Variants in BTRC observed in about 807,000 individuals in gnomAD.
BTRC encodes F-box/WD repeat-containing protein 1A.
A neutral mutation model predicts 85.5 loss-of-function variants in BTRC; 42 were observed. That is an observed-to-expected ratio of 0.49 (90% CI 0.38 to 0.64). BTRC has a LOEUF of 0.64. Among genes scored for constraint, BTRC ranks in the 30% least tolerant of loss-of-function variants. BTRC has a pLI of 0.00. For synonymous variants in BTRC, 255 were observed against 263.3 expected (o/e 0.97, Z 0.30); for missense variants, 594 against 743.5 (o/e 0.80, Z 2.34).
rs184498899 is a variant in BTRC at position 101,552,178 on chromosome 10, C to T, written c.*32-977C>T. ...ATTTTTATTTTATTTTATTTTATTTCATTTTATTTTATTTTATTTTATTTC... is the reference window on the plus strand; with the variant it reads ...ATTTTTATTTTATTTTATTTTATTTTATTTTATTTTATTTTATTTTATTTC... On this transcript the variant is annotated intron_variant, in intron 14 of 14. Transcript: ENST00000370187. 2.3e-3 allele frequency among the ~76,000 whole-genome samples: 350 copies of T among 150,522 alleles called. 2 individuals are homozygous for T. Among genetic ancestry groups the T allele is most frequent in the Middle Eastern group, 3.4e-3 (1 of 292 alleles).
At chr10:101,458,534 T>C (rs1003710907) in intron 2 of BTRC, among the ~76,000 whole-genome samples, 12 of 152,190 alleles carry the variant, frequency 7.9e-5, no homozygotes, top group African/African-American at 2.7e-4. Context: ...GAAATTAATA[T>C]TGATACAGTG....
chr10:101,361,813 A>T (rs1431116151), intron 1 of BTRC, among the ~76,000 whole-genome samples: 2 of 152,214 alleles, frequency 1.3e-5, no homozygotes, highest in Non-Finnish European at 2.9e-5. Flanking sequence ...AACTAAGAAT[A>T]TGATTGTTCT....
intron 6 of BTRC, among the ~76,000 whole-genome samples, chr10:101,529,657 TA>T (rs1418138521): frequency 6.6e-6 from 1 of 152,222 alleles, no homozygotes; most frequent in Non-Finnish European, 1.5e-5. Flanking sequence ...TTATAAGTAT[TA>T]TTTTCACTTC....
intron 1 of BTRC, among the ~76,000 whole-genome samples, chr10:101,387,830 C>G (rs1043336447): frequency 2.6e-5 from 4 of 152,012 alleles, no homozygotes; most frequent in Non-Finnish European, 5.9e-5. Context: ...GCTGGGATTA[C>G]AGGTGTGTGC....
At chr10:101,493,206 G>A (rs1369167020) in intron 4 of BTRC, among the ~76,000 whole-genome samples, 1 of 152,106 alleles carries the variant, frequency 6.6e-6, no homozygotes, top group Non-Finnish European at 1.5e-5. Flanking sequence ...AAATGTATTT[G>A]AATGTGAATG....
chr10:101,534,862 C>T lies in BTRC; in HGVS notation c.1299C>T (p.Asp433=), dbSNP rs753159511. The T allele has an allele frequency of 5.6e-6, 9 of 1,613,974 alleles. No homozygotes were observed. In the Admixed American group the frequency reaches 1.5e-4, roughly 27 times the overall value. ...ACCGAGCTGCTGTCAATGTTGTAGA[C>T]TTTGATGACAAGTACATTGTTTCTG... ...VGHRAAVNVV[D]FDDKYIVSAS... is the part of the protein sequence containing the mutation. The change falls in exon 10 of 15, where the codon GAC becomes GAT. Residue 433 remains aspartate, a synonymous_variant. Transcript: ENST00000370187.
chr10:101,483,027 T>G (rs899297589), intron 4 of BTRC, among the ~76,000 whole-genome samples: 4 of 152,234 alleles, frequency 2.6e-5, no homozygotes, highest in Non-Finnish European at 5.9e-5. Flanking sequence ...AACCTTATTA[T>G]TTATTGAATA....
intron 2 of BTRC, among the ~76,000 whole-genome samples, chr10:101,454,685 G>A (rs962019411): frequency 6.6e-6 from 1 of 152,166 alleles, no homozygotes; most frequent in Non-Finnish European, 1.5e-5. Context: ...GGGAGCCTGA[G>A]GCAGGAGGAT....
chr10:101,551,076 G>A (rs2062642325), intron 14 of BTRC, 185 bp downstream of exon 14: 1 of 498,270 alleles, frequency 2.0e-6, no homozygotes, highest in South Asian at 4.4e-5. Context: ...CACCAAGGTA[G>A]CCAGCCTCAG....
In BTRC at chr10:101,532,437, G is replaced by C. The variant is rs2062298952; in HGVS notation, c.978+5G>C. On this transcript the variant is annotated splice_donor_5th_base_variant and intron_variant, in intron 8 of 14. Transcript: ENST00000370187. Reference sequence around the variant, plus strand: ...CTTCGAGACAACACAATCAAGGTGAGGTCTATTCAGTTGTAGAAAGGTAGC... The same window carrying C: ...CTTCGAGACAACACAATCAAGGTGACGTCTATTCAGTTGTAGAAAGGTAGC... 6.2e-7 allele frequency: 1 copy of C among 1,603,954 alleles called. No individual in the cohort carries two copies. The highest frequency in any genetic ancestry group is 8.5e-7 in the Non-Finnish European group (1 of 1,175,754).
intron 1 of BTRC, among the ~76,000 whole-genome samples, chr10:101,357,665 A>G (rs904518330): frequency 6.6e-6 from 1 of 152,206 alleles, no homozygotes; most frequent in Non-Finnish European, 1.5e-5. Context: ...TTAAAATGCC[A>G]GAATGAAATG....
chr10:101,366,203 A>G (rs1012392762), intron 1 of BTRC, among the ~76,000 whole-genome samples: 4 of 151,736 alleles, frequency 2.6e-5, no homozygotes, highest in Admixed American at 6.6e-5. Flanking sequence ...AAAGTATAGG[A>G]AAAAAAAATC....
chr10:101,355,310 C>T (rs1207122749), intron 1 of BTRC, among the ~76,000 whole-genome samples: 1 of 152,162 alleles, frequency 6.6e-6, no homozygotes, highest in African/African-American at 2.4e-5. Flanking sequence ...GGTTACCCGT[C>T]AGTTTTAGGT....
chr10:101,519,373 C>A (rs1279404150), intron 4 of BTRC, among the ~76,000 whole-genome samples: 3 of 152,262 alleles, frequency 2.0e-5, no homozygotes, highest in Non-Finnish European at 4.4e-5. Context: ...AGCCACCACA[C>A]CCGGCCCTCA....
chr10:101,505,137 A>G (rs1169542671), intron 4 of BTRC, among the ~76,000 whole-genome samples: 1 of 116,948 alleles, frequency 8.6e-6, no homozygotes, highest in Non-Finnish European at 1.8e-5. Flanking sequence ...GTGTATATAT[A>G]TGTATATATA....
chr10:101,418,638 A>T (rs1056174606), intron 1 of BTRC, among the ~76,000 whole-genome samples: 3 of 151,618 alleles, frequency 2.0e-5, no homozygotes. Flanking sequence ...TTTGCCAAAC[A>T]TATATATGTT....
chr10:101,538,492 G>GTACA, intron 13 of BTRC, 121 bp downstream of exon 13: 2 of 839,492 alleles, frequency 2.4e-6, no homozygotes, highest in Non-Finnish European at 3.9e-6. Context: ...CTACAACTAA[G>GTACA]TGGTAAGGCA....
At chr10:101,524,353 T>A (rs533200467) in intron 5 of BTRC, among the ~76,000 whole-genome samples, 1 of 152,204 alleles carries the variant, frequency 6.6e-6, no homozygotes, top group South Asian at 2.1e-4. Context: ...TATCTCAAGC[T>A]TATACCACTA....
At chr10:101,534,362 C>G (rs938945543) in intron 9 of BTRC, among the ~76,000 whole-genome samples, 5 of 152,158 alleles carry the variant, frequency 3.3e-5, no homozygotes, top group African/African-American at 1.2e-4. Flanking sequence ...TCAGATTCCT[C>G]ATTTAAAATG....
Sources: allele counts gnomAD v4.1 joint callset (sites outside exome capture counted in the v4.1 genomes callset), GRCh38; gene constraint gnomAD v4.1.1; transcripts MANE v1.5; gene names NCBI Gene and HGNC (gene_info 2026-07-23, HGNC 2026-07-21).